Variants in TRAK1 observed in about 807,000 individuals in gnomAD.
TRAK1 encodes the protein trafficking kinesin protein 1, also known as trafficking kinesin-binding protein 1.
A neutral mutation model predicts 92.1 loss-of-function variants in TRAK1; 33 were observed. The ratio of observed to expected loss-of-function variants is 0.36; its 90% CI spans 0.27 to 0.48. The LOEUF (loss-of-function observed/expected upper bound fraction) is 0.48. Ranked by LOEUF, TRAK1 falls within the 20% of genes least tolerant of loss-of-function variation. The probability of loss-of-function intolerance (pLI) is 0.99; values close to 1 mark genes in which losing one functional copy is unlikely to be tolerated. For missense variants in TRAK1, 1,123 were observed against 1,257.9 expected, an observed-to-expected ratio of 0.89 and a Z score of 1.62; for synonymous variants, 521 against 517.3, an observed-to-expected ratio of 1.01 and a Z score of -0.10.
At chr3:42,043,428 C>T (rs1395146343) in intron 1 of TRAK1, among the ~76,000 whole-genome samples, 1 of 151,978 alleles carries the variant, frequency 6.6e-6, no homozygotes, top group African/African-American at 2.4e-5. Flanking sequence ...TCCCCTCCTC[C>T]TGACCCCTGC....
At chr3:42,027,350 C>A (rs1180170994) in intron 1 of TRAK1, among the ~76,000 whole-genome samples, 1 of 151,970 alleles carries the variant, frequency 6.6e-6, no homozygotes, top group Non-Finnish European at 1.5e-5. Flanking sequence ...AGTGAAACCC[C>A]GTCTCTACTA....
chr3:42,065,666 G>A (rs1039641411), intron 1 of TRAK1, among the ~76,000 whole-genome samples: 3 of 152,120 alleles, frequency 2.0e-5, no homozygotes, highest in Admixed American at 2.0e-4. Context: ...GTCTCATTTT[G>A]TTGTGCAGGC....
At chr3:42,138,420 G>A (rs960923962) in intron 2 of TRAK1, among the ~76,000 whole-genome samples, 23 of 152,078 alleles carry the variant, frequency 1.5e-4, no homozygotes, top group African/African-American at 5.1e-4. Context: ...TTAAATAAGC[G>A]AAAATGCAAA....
At chr3:42,033,094 T>C (rs1472310125) in intron 1 of TRAK1, among the ~76,000 whole-genome samples, 1 of 152,192 alleles carries the variant, frequency 6.6e-6, no homozygotes. Flanking sequence ...ACATTCCCAG[T>C]GCTTTTTAAT....
At chr3:42,106,536 A>T (rs1707595772) in intron 1 of TRAK1, among the ~76,000 whole-genome samples, 1 of 152,214 alleles carries the variant, frequency 6.6e-6, no homozygotes, top group South Asian at 2.1e-4. Flanking sequence ...ATAAAAATAT[A>T]ATAATAACAA....
At chr3:42,184,631 C>T in intron 3 of TRAK1, 54 bp from the exon 4 acceptor site, 1 of 1,554,652 alleles carries the variant, frequency 6.4e-7, no homozygotes, top group Non-Finnish European at 8.8e-7. Context: ...ACCATTGACT[C>T]CTTCAGGAAA....
intron 2 of TRAK1, among the ~76,000 whole-genome samples, chr3:42,139,055 A>G (rs1698344789): frequency 6.6e-6 from 1 of 151,990 alleles, no homozygotes; most frequent in Non-Finnish European, 1.5e-5. Context: ...CTGAGTTGGA[A>G]AGGGGATCTA....
Position 42,223,220 on chromosome 3 carries a change from C to T in TRAK1, c.2345C>T (p.Pro782Leu), listed in dbSNP as rs112854798. The T allele has an allele frequency of 5.4e-4, 876 of 1,614,204 alleles. 1 individual carries two copies. The highest frequency in any genetic ancestry group is 6.6e-4 in the Non-Finnish European group (778 of 1,180,034). Reference protein sequence around the residue: ...TPKMAVIPSTPPNSPMQTPTS... With the variant: ...TPKMAVIPSTLPNSPMQTPTS... ...AAGATGGCTGTGATCCCCTCTACTC[C>T]GCCGAACTCGCCTATGCAGACACCC... is the stretch of plus-strand genomic sequence containing the variant. The change falls in exon 16 of 16, where the codon CCG (proline) becomes CTG (leucine). Residue 782 changes from proline (P) to leucine (L), a missense_variant. Physicochemically the swap from Pro to Leu is moderately conservative, Grantham distance 98. Coordinates refer to ENST00000327628, the MANE Select transcript of TRAK1 (RefSeq NM_001042646.3). The surrounding 1 kb of genome is among the most constrained non-coding windows in gnomAD (Gnocchi z 6.1).
chr3:42,188,787 G>C (rs1705258282), intron 5 of TRAK1, among the ~76,000 whole-genome samples: 1 of 152,160 alleles, frequency 6.6e-6, no homozygotes, highest in African/African-American at 2.4e-5. Flanking sequence ...AAACAGAGTT[G>C]GTCCCCTGAA....
intron 1 of TRAK1, among the ~76,000 whole-genome samples, chr3:42,076,657 GTT>G (rs1329026852): frequency 6.6e-6 from 1 of 152,080 alleles, no homozygotes; most frequent in Non-Finnish European, 1.5e-5. Context: ...ACCAATTTTT[GTT>G]TTTTGTTGTA....
Position 42,224,136 on chromosome 3 carries a change from C to T in TRAK1, c.*399C>T. ...AATTCCGTGGCTGGCACACCACGAGCTGTCACGCGGCACGGGTCATAACAC... is the reference window on the plus strand; with the variant it reads ...AATTCCGTGGCTGGCACACCACGAGTTGTCACGCGGCACGGGTCATAACAC... On this transcript the variant is annotated 3_prime_UTR_variant, in exon 16 of 16. Coordinates refer to ENST00000327628, the MANE Select transcript of TRAK1 (RefSeq NM_001042646.3). The T allele has an allele frequency of 2.2e-6, 1 of 460,490 alleles. No homozygotes were observed. The highest frequency in any genetic ancestry group is 4.3e-6 in the Non-Finnish European group (1 of 230,120). 28.5% of individuals were successfully genotyped at this position (460,490 alleles called of 1,614,324 possible).
chr3:42,030,470 C>T (rs919895353), intron 1 of TRAK1, among the ~76,000 whole-genome samples: 2 of 149,862 alleles, frequency 1.3e-5, no homozygotes, highest in African/African-American at 2.4e-5. Flanking sequence ...GTCAGGAGTT[C>T]AAGACCAGCC....
chr3:42,059,270 A>T (rs1703329529), intron 1 of TRAK1, among the ~76,000 whole-genome samples: 2 of 151,822 alleles, frequency 1.3e-5, no homozygotes. Context: ...ATTTTAAAAA[A>T]TTTTTATTAG....
chr3:42,178,901 G>C (rs1306129003), intron 3 of TRAK1, among the ~76,000 whole-genome samples: 3 of 152,060 alleles, frequency 2.0e-5, no homozygotes, highest in Non-Finnish European at 4.4e-5. Context: ...CTTGAGCTCT[G>C]GAGGTGGAGA....
chr3:42,194,950 T>C lies in TRAK1; in HGVS notation c.1113+9T>C. 1 of 1,613,302 alleles carries C rather than the reference T, an allele frequency of 6.2e-7. No individual in the cohort carries two copies. On this transcript the variant is annotated intron_variant, in intron 10 of 15. Coordinates refer to ENST00000327628, the MANE Select transcript of TRAK1 (RefSeq NM_001042646.3). ...TGGGCCTGTTTCCCATGGTGAGCTG[T>C]GCTTTCTTCCCAGCCAGAGGACAGG...
At chr3:42,076,216 C>CTT (rs3073733) in intron 1 of TRAK1, among the ~76,000 whole-genome samples, 922 of 62,714 alleles carry the variant, frequency 0.015, 142 homozygotes, top group African/African-American at 0.07. Context: ...GATATTAGAC[C>CTT]TTTTTTTTTT....
intron 13 of TRAK1, among the ~76,000 whole-genome samples, chr3:42,206,411 G>A (rs1011020404): frequency 6.6e-6 from 1 of 152,138 alleles, no homozygotes; most frequent in Admixed American, 6.5e-5. Flanking sequence ...ACTAGGTTTC[G>A]GAGGCTCTCA....
At chr3:42,044,781 A>G (rs1702690417) in intron 1 of TRAK1, among the ~76,000 whole-genome samples, 1 of 152,188 alleles carries the variant, frequency 6.6e-6, no homozygotes, top group Non-Finnish European at 1.5e-5. Context: ...AAGATCAACC[A>G]CTGAAACAGC....
chr3:42,186,537 C>T (rs1349563059), intron 4 of TRAK1, among the ~76,000 whole-genome samples: 3 of 152,202 alleles, frequency 2.0e-5, no homozygotes, highest in East Asian at 1.9e-4. Flanking sequence ...CATTCCCTGC[C>T]CCCAGAGTCA....
Sources: allele counts gnomAD v4.1 joint callset (sites outside exome capture counted in the v4.1 genomes callset), GRCh38; gene constraint gnomAD v4.1.1; non-coding constraint Gnocchi (gnomAD v3.1); transcripts MANE v1.5; gene names NCBI Gene and HGNC (gene_info 2026-07-23, HGNC 2026-07-21).